The following TUSC3 variants were observed in gnomAD, a reference collection of about 807,000 sequenced individuals.
TUSC3 encodes dolichyl-diphosphooligosaccharide--protein glycosyltransferase subunit TUSC3.
Under a neutral mutation model 44.8 loss-of-function variants are expected in TUSC3, and 45 were observed. The observed-to-expected ratio is 1.00, with a 90% CI of 0.79 to 1.29. TUSC3 has a LOEUF of 1.29. Among genes scored for constraint, TUSC3 ranks in the 50% most tolerant of loss-of-function variants. The pLI, the probability that TUSC3 is intolerant of heterozygous loss-of-function variation, is 0.00. For missense variants in TUSC3, 519 were observed against 437.9 expected, an observed-to-expected ratio of 1.19 and a Z score of -1.65; for synonymous variants, 212 against 152.9, an observed-to-expected ratio of 1.39 and a Z score of -2.85.
chr8:15,433,913 C>G (rs1799911620), intron 1 of TUSC3, among the ~76,000 whole-genome samples: 1 of 151,898 alleles, frequency 6.6e-6, no homozygotes, highest in Admixed American at 6.6e-5. Context: ...AAACATAAAG[C>G]TAGGAATATT....
intron 1 of TUSC3, among the ~76,000 whole-genome samples, chr8:15,588,702 G>A (rs544581946): frequency 6.6e-6 from 1 of 152,176 alleles, no homozygotes; most frequent in East Asian, 1.9e-4. Flanking sequence ...TTACACTTAA[G>A]TCATTATATT....
intron 1 of TUSC3, among the ~76,000 whole-genome samples, chr8:15,476,405 A>G (rs188018196): frequency 3.3e-5 from 5 of 152,238 alleles, no homozygotes; most frequent in Admixed American, 6.5e-5. Flanking sequence ...TGGTCTTTTT[A>G]TTTATCAACT....
At chr8:15,703,708 G>C (rs1199619446) in intron 6 of TUSC3, among the ~76,000 whole-genome samples, 1 of 152,060 alleles carries the variant, frequency 6.6e-6, no homozygotes. Flanking sequence ...TGACGTACCA[G>C]ATTCTCTTAA....
At chr8:15,566,719 GCTCAAGCAATC>G (rs1447997146) in intron 1 of TUSC3, among the ~76,000 whole-genome samples, 1 of 151,728 alleles carries the variant, frequency 6.6e-6, no homozygotes, top group African/African-American at 2.4e-5. Context: ...AACCTCCTAG[GCTCAAGCAATC>G]CTCCCGCGTT....
chr8:15,714,868 T>C (rs1482488961), intron 6 of TUSC3, among the ~76,000 whole-genome samples: 1 of 152,198 alleles, frequency 6.6e-6, no homozygotes. Context: ...AACTGAATTT[T>C]ACATTTTATT....
intron 1 of TUSC3, among the ~76,000 whole-genome samples, chr8:15,615,866 A>T (rs1358937221): frequency 6.6e-6 from 1 of 152,218 alleles, no homozygotes; most frequent in African/African-American, 2.4e-5. Context: ...TGGTTAAAGG[A>T]TATAAACATG....
At chr8:15,566,826 T>C (rs1802696785) in intron 1 of TUSC3, among the ~76,000 whole-genome samples, 1 of 152,078 alleles carries the variant, frequency 6.6e-6, no homozygotes, top group Non-Finnish European at 1.5e-5. Context: ...AGAGACAGGA[T>C]TTTACCATGT....
At chr8:15,446,657 A>C (rs1800107786) in intron 1 of TUSC3, among the ~76,000 whole-genome samples, 1 of 145,038 alleles carries the variant, frequency 6.9e-6, no homozygotes, top group Non-Finnish European at 1.5e-5. Context: ...GGGAGGTTGC[A>C]GTGAGCCGAG....
At chr8:15,661,850 C>G (rs1022892091) in intron 4 of TUSC3, among the ~76,000 whole-genome samples, 3 of 151,684 alleles carry the variant, frequency 2.0e-5, no homozygotes, top group Admixed American at 2.0e-4. Context: ...AGAGAAAACC[C>G]AATTCAAAAT....
the TUSC3 span, among the ~76,000 whole-genome samples, chr8:15,779,823 C>G: frequency 6.6e-6 from 1 of 152,158 alleles, no homozygotes; most frequent in Non-Finnish European, 1.5e-5. Context: ...TAACTCTCAC[C>G]AAACTAGGCA....
the TUSC3 span, among the ~76,000 whole-genome samples, chr8:15,827,749 T>C: frequency 2.0e-5 from 3 of 152,164 alleles, no homozygotes; most frequent in African/African-American, 4.8e-5. Context: ...AGCCATACCC[T>C]GAGTCTCACT....
rs967314285 is a variant in TUSC3, at chr8:15,483,766, C to G, written n.189+283C>G. Among the ~76,000 whole-genome samples the G allele has an allele frequency of 7.3e-5, 11 of 150,824 alleles. No homozygotes were observed. The East Asian group carries it at 2.0e-3, about 27-fold the overall frequency. ...CGCCTCCCGAGTTCATGCCATTCTC[C>G]TGCCTCAGCCTCCCGAGTAGCTGGG... is the stretch of plus-strand genomic sequence containing the variant. On this transcript the variant is annotated intron_variant and non_coding_transcript_variant, in intron 2 of 5. Coordinates refer to the TUSC3 transcript ENST00000503191.
intron 1 of TUSC3, among the ~76,000 whole-genome samples, chr8:15,463,116 G>A (rs1585054482): frequency 6.7e-6 from 1 of 149,860 alleles, no homozygotes; most frequent in South Asian, 2.1e-4. Flanking sequence ...CTGTTTTTCT[G>A]GTTTACAGAC....
At chr8:15,778,099 C>CAAAAAAAAAAAA in the TUSC3 span, among the ~76,000 whole-genome samples, 1 of 134,694 alleles carries the variant, frequency 7.4e-6, no homozygotes, top group African/African-American at 2.7e-5. Context: ...CACTTTAAGG[C>CAAAAAAAAAAAA]AAAAAAAAAA....
chr8:15,544,512 A>G (rs187700628), intron 1 of TUSC3, among the ~76,000 whole-genome samples: 1 of 151,826 alleles, frequency 6.6e-6, no homozygotes, highest in African/African-American at 2.4e-5. Flanking sequence ...TTTCTAAGCG[A>G]TCAATTGTTT....
the TUSC3 span, among the ~76,000 whole-genome samples, chr8:15,809,753 G>T: frequency 1.3e-5 from 2 of 152,270 alleles, no homozygotes; most frequent in African/African-American, 4.8e-5. Flanking sequence ...ACTGTAGCAA[G>T]TGCAACCACG....
intron 1 of TUSC3, among the ~76,000 whole-genome samples, chr8:15,467,350 A>G (rs1480802608): frequency 6.6e-6 from 1 of 152,006 alleles, no homozygotes; most frequent in African/African-American, 2.4e-5. Flanking sequence ...TACATCTTGA[A>G]CTCACTAAGT....
chr8:15,553,650 C>G (rs904220223), intron 1 of TUSC3, among the ~76,000 whole-genome samples: 1 of 151,634 alleles, frequency 6.6e-6, no homozygotes. Context: ...TGCAGTGTTA[C>G]AGTGAACACT....
chr8:15,655,259 T>G (rs1204358108), intron 3 of TUSC3, among the ~76,000 whole-genome samples: 1 of 152,198 alleles, frequency 6.6e-6, no homozygotes, highest in African/African-American at 2.4e-5. Context: ...ATCTTAGGAC[T>G]TAAGTGAGTA....
Sources: gnomAD v4.1 joint callset for allele counts (sites outside exome capture counted in the v4.1 genomes callset) on GRCh38, gnomAD v4.1.1 for gene constraint, MANE v1.5 for transcripts, NCBI Gene and HGNC (gene_info 2026-07-23, HGNC 2026-07-21) for gene names.